Variants in IHO1 observed in about 807,000 individuals in gnomAD.
The protein encoded by IHO1 is interactor of HORMAD1 protein 1.
A neutral mutation model predicts 31.0 loss-of-function variants in IHO1; 13 were observed. The observed-to-expected ratio is 0.42, with a 90% confidence interval of 0.27 to 0.67. The LOEUF (loss-of-function observed/expected upper bound fraction) is 0.67, where lower values mean the gene tolerates loss of function less well. IHO1 is among the 30% of genes least tolerant of loss of function. The pLI is 0.24. For synonymous variants in IHO1, 221 were observed against 248.4 expected (o/e 0.89, Z 1.04); for missense variants, 599 against 687.5 (o/e 0.87, Z 1.44).
chr3:49,221,593 G>A (rs534808069), intron 2 of IHO1, among the ~76,000 whole-genome samples: 60 of 152,314 alleles, frequency 3.9e-4, no homozygotes, highest in African/African-American at 1.3e-3. Flanking sequence ...GGTTAGGGGC[G>A]AAGAAGGGGC....
At chr3:49,240,709 T>A (rs951786435) in intron 3 of IHO1, among the ~76,000 whole-genome samples, 1 of 152,178 alleles carries the variant, frequency 6.6e-6, no homozygotes, top group Non-Finnish European at 1.5e-5. Context: ...AGTATTTCAG[T>A]ACAAAAATTG....
chr3:49,233,250 A>G (rs748136565), intron 2 of IHO1, among the ~76,000 whole-genome samples: 2 of 152,242 alleles, frequency 1.3e-5, no homozygotes, highest in Non-Finnish European at 2.9e-5. Context: ...GAAACATGGC[A>G]GTATAGTGGC....
chr3:49,215,576 T>C (rs1197208125), intron 2 of IHO1, among the ~76,000 whole-genome samples: 2 of 152,214 alleles, frequency 1.3e-5, no homozygotes, highest in Non-Finnish European at 2.9e-5. Flanking sequence ...TAGGTCCTGC[T>C]GCTCGCCACA....
chr3:49,225,387 C>T (rs1277075907), intron 2 of IHO1, among the ~76,000 whole-genome samples: 1 of 152,046 alleles, frequency 6.6e-6, no homozygotes, highest in Non-Finnish European at 1.5e-5. Flanking sequence ...CACTTGAACC[C>T]AGGAGGCAGA....
Position 49,256,975 on chromosome 3 carries a change from A to G in IHO1, c.1478A>G (p.Gln493Arg), listed in dbSNP as rs1185968940. 7 of 1,614,114 alleles carry G rather than the reference A, an allele frequency of 4.3e-6. No homozygotes were observed. The Admixed American group carries it at 8.3e-5, about 19-fold the overall frequency. ...SVPQSPFLGQ[Q>R]EPRAQPLHLQ... ...CCTCAAAGCCCCTTCCTGGGGCAGC[A>G]GGAACCCCGTGCTCAGCCTCTGCAT... Residue 493 changes from glutamine (Q) to arginine (R), a missense_variant, in exon 8 of 8, where the codon CAG (glutamine) becomes CGG (arginine). By Grantham distance (43) the Gln-to-Arg change is conservative. Transcript: ENST00000452691. This position sits in a 1 kb window ranked among gnomAD's most constrained non-coding sequence, Gnocchi z 4.6.
intron 4 of IHO1, among the ~76,000 whole-genome samples, chr3:49,242,415 A>T (rs1172641532): frequency 6.6e-6 from 1 of 152,110 alleles, no homozygotes. Flanking sequence ...GGCATGAGCC[A>T]CCATACCCAG....
intron 2 of IHO1, among the ~76,000 whole-genome samples, chr3:49,226,046 C>T (rs2046413235): frequency 6.6e-6 from 1 of 152,122 alleles, no homozygotes; most frequent in Non-Finnish European, 1.5e-5. Context: ...AGGGGCAGCT[C>T]GTTTCTCATT....
intron 2 of IHO1, among the ~76,000 whole-genome samples, chr3:49,212,805 A>G (rs970668770): frequency 6.6e-6 from 1 of 152,150 alleles, no homozygotes; most frequent in Non-Finnish European, 1.5e-5. Context: ...GGACCCAAAG[A>G]TTGAGCAGGA....
intron 2 of IHO1, among the ~76,000 whole-genome samples, chr3:49,218,376 CTTTTTTT>C (rs34312848): frequency 6.2e-4 from 66 of 105,818 alleles, no homozygotes; most frequent in East Asian, 2.2e-3. Context: ...CAGTTAATAC[CTTTTTTT>C]TTTTTTTTTT....
chr3:49,248,124 CAAA>C (rs60797316), intron 6 of IHO1, among the ~76,000 whole-genome samples: 9 of 107,532 alleles, frequency 8.4e-5, no homozygotes, highest in Non-Finnish European at 5.7e-5. Flanking sequence ...GACTCCATCT[CAAA>C]AAAAAAAAAA....
rs1162216794 is a variant in IHO1 at position 49,234,891 on chromosome 3, G to GTGGAGT, written c.57-1657_57-1656insTGGAGT. Among the ~76,000 whole-genome samples the GTGGAGT allele has an allele frequency of 4.0e-5, 6 of 151,492 alleles. No individual in the cohort carries two copies. The South Asian group carries it at 6.2e-4, about 16-fold the overall frequency. ...AGACTGAGTCTCACTGTATCACCCAGGCTGGAGTGCAGTGGCACAATCTCG... is the reference window on the plus strand; with the variant it reads ...AGACTGAGTCTCACTGTATCACCCAGTGGAGTGCTGGAGTGCAGTGGCACAATCTCG... On this transcript the variant is annotated intron_variant, in intron 2 of 7. Coordinates refer to ENST00000452691, the MANE Select transcript of IHO1 (RefSeq NM_001135197.2).
chr3:49,251,287 ATTTTTT>A (rs1190363805), intron 6 of IHO1, among the ~76,000 whole-genome samples: 1 of 122,810 alleles, frequency 8.1e-6, no homozygotes, highest in Non-Finnish European at 1.7e-5. Flanking sequence ...TGCCTGGCTA[ATTTTTT>A]TTTTTTTTTT....
intron 2 of IHO1, among the ~76,000 whole-genome samples, chr3:49,229,088 A>C (rs2046452511): frequency 6.6e-6 from 1 of 152,190 alleles, no homozygotes; most frequent in African/African-American, 2.4e-5. Flanking sequence ...TCCTTTAGCT[A>C]GACACATAGC....
chr3:49,193,297 G>T, the IHO1 span, among the ~76,000 whole-genome samples: 54 of 151,242 alleles, frequency 3.6e-4, no homozygotes, highest in Admixed American at 1.8e-3. Flanking sequence ...ACTTGAGCCC[G>T]GGAAGTGGAG....
chr3:49,212,019 C>G (rs1198817694), intron 2 of IHO1, among the ~76,000 whole-genome samples, 183 bp downstream of exon 2: 1 of 151,930 alleles, frequency 6.6e-6, no homozygotes, highest in African/African-American at 2.4e-5. Context: ...AAAAATTTAG[C>G]CGGGCATGGT....
At chr3:49,223,557 C>T (rs892548674) in intron 2 of IHO1, among the ~76,000 whole-genome samples, 5 of 151,998 alleles carry the variant, frequency 3.3e-5, no homozygotes, top group African/African-American at 1.2e-4. Context: ...TGGGTGTGGT[C>T]GTGGGCACCT....
intron 6 of IHO1, among the ~76,000 whole-genome samples, chr3:49,254,314 A>C (rs1044129905): frequency 4.7e-4 from 71 of 152,182 alleles, no homozygotes; most frequent in African/African-American, 1.6e-3. Flanking sequence ...GTGTGCATGC[A>C]GAATCTCACT....
intron 1 of IHO1, among the ~76,000 whole-genome samples, chr3:49,209,973 C>T (rs1430067742): frequency 6.6e-6 from 1 of 151,708 alleles, no homozygotes; most frequent in Non-Finnish European, 1.5e-5. Context: ...GCCTTGGCCT[C>T]CCAAAGTGCT....
intron 6 of IHO1, among the ~76,000 whole-genome samples, chr3:49,246,858 C>CT (rs542095883): frequency 2.8e-3 from 399 of 143,834 alleles, no homozygotes; most frequent in Middle Eastern, 0.018. Flanking sequence ...TTTTTCTTTT[C>CT]TTTTTTTTTT....
Sources: allele counts gnomAD v4.1 joint callset (sites outside exome capture counted in the v4.1 genomes callset), GRCh38; gene constraint gnomAD v4.1.1; non-coding constraint Gnocchi (gnomAD v3.1); transcripts MANE v1.5; gene names NCBI Gene and HGNC (gene_info 2026-07-23, HGNC 2026-07-21).